The following MAP3K5 variants were observed in gnomAD, a reference collection of about 807,000 sequenced individuals.
MAP3K5 encodes the protein mitogen-activated protein kinase kinase kinase 5.
MAP3K5 carries 56 observed loss-of-function variants against 158.7 expected under a neutral mutation model. The observed-to-expected ratio is 0.35, with a 90% confidence interval of 0.28 to 0.44. The LOEUF is 0.44. Among genes scored for constraint, MAP3K5 ranks in the 20% least tolerant of loss-of-function variants. The pLI is 1.00. For missense variants in MAP3K5, 1,294 were observed against 1,674.8 expected (o/e 0.77, Z 3.97); for synonymous variants, 579 against 601.7 (o/e 0.96, Z 0.55).
intron 1 of MAP3K5, among the ~76,000 whole-genome samples, chr6:136,753,373 A>G (rs991790170): frequency 4.6e-5 from 7 of 152,290 alleles, no homozygotes; most frequent in African/African-American, 1.7e-4. Context: ...GTTGATGAAA[A>G]CACCTTTTTT....
At chr6:136,640,897 A>G (rs146725940) in intron 12 of MAP3K5, among the ~76,000 whole-genome samples, 1 of 152,248 alleles carries the variant, frequency 6.6e-6, no homozygotes, top group African/African-American at 2.4e-5. Flanking sequence ...ACAGACTACA[A>G]CTCAAGTTTC....
chr6:136,679,823 A>G (rs556895067), intron 7 of MAP3K5, among the ~76,000 whole-genome samples: 123 of 152,370 alleles, frequency 8.1e-4, no homozygotes, highest in Non-Finnish European at 1.3e-3. Context: ...AATTAAAAGT[A>G]GAACCTTAAA....
intron 1 of MAP3K5, among the ~76,000 whole-genome samples, chr6:136,731,407 T>C (rs1453394126): frequency 1.3e-5 from 2 of 152,214 alleles, no homozygotes; most frequent in African/African-American, 2.4e-5. Context: ...CTCTAGAAGA[T>C]AATCAGTTCC....
intron 7 of MAP3K5, among the ~76,000 whole-genome samples, chr6:136,693,108 A>G (rs1172293693): frequency 6.6e-6 from 1 of 152,070 alleles, no homozygotes; most frequent in Non-Finnish European, 1.5e-5. Flanking sequence ...ATGGGGATAG[A>G]ACTTTATTTT....
intron 8 of MAP3K5, among the ~76,000 whole-genome samples, chr6:136,662,515 C>CTCTCTCCCTCTCTCTCTTCCTT (rs1297223179): frequency 2.6e-5 from 4 of 151,902 alleles, no homozygotes; most frequent in Non-Finnish European, 5.9e-5. Context: ...CTTCCTTTCT[C>CTCTCTCCCTCTCTCTCTTCCTT]TCTCTCCCTC....
At chr6:136,749,515 C>G (rs1358046139) in intron 1 of MAP3K5, among the ~76,000 whole-genome samples, 2 of 152,090 alleles carry the variant, frequency 1.3e-5, no homozygotes, top group Non-Finnish European at 2.9e-5. Context: ...CTGTCACACC[C>G]ACGGCCAGAT....
chr6:136,567,990 G>A lies in MAP3K5; in HGVS notation c.3518-116C>T, dbSNP rs1219457020. 3 of 1,168,476 alleles carry A rather than the reference G, an allele frequency of 2.6e-6. No homozygotes were observed. In the African/African-American group the frequency reaches 4.6e-5, roughly 18 times the overall value. 72.4% of individuals were successfully genotyped at this position (1,168,476 alleles called of 1,614,324 possible). ...GTCAATAAGATATATATTCCAAACT[G>A]CTTTTCCAAAAGTGAGGATGGATTT... On this transcript the variant is annotated intron_variant, in intron 25 of 29. Transcript: ENST00000359015.
intron 1 of MAP3K5, among the ~76,000 whole-genome samples, chr6:136,726,744 T>C (rs1193284841): frequency 1.3e-5 from 2 of 152,228 alleles, no homozygotes; most frequent in Non-Finnish European, 2.9e-5. Flanking sequence ...TAGATAGTAC[T>C]GTTTTTAAAA....
intron 1 of MAP3K5, among the ~76,000 whole-genome samples, chr6:136,722,147 C>A (rs984787562): frequency 2.0e-5 from 3 of 152,104 alleles, no homozygotes; most frequent in African/African-American, 7.2e-5. Flanking sequence ...CAACCAAATA[C>A]CCCAACAGAC....
chr6:136,765,844 C>T (rs1369916886), intron 1 of MAP3K5, among the ~76,000 whole-genome samples: 2 of 151,964 alleles, frequency 1.3e-5, no homozygotes, highest in East Asian at 3.8e-4. Flanking sequence ...CTGCTTTTAT[C>T]TCCACCTTAT....
intron 1 of MAP3K5, among the ~76,000 whole-genome samples, chr6:136,762,100 T>G (rs1438314750): frequency 1.3e-5 from 2 of 152,208 alleles, no homozygotes; most frequent in African/African-American, 4.8e-5. Flanking sequence ...TACAGAAAGT[T>G]ATGCAAATAT....
Position 136,611,340 on chromosome 6 carries a change from AGAGATCTT to A in MAP3K5, c.2455_2462del (p.Lys819Ter), listed in dbSNP as rs1776336877. On this transcript the variant is annotated frameshift_variant, in exon 18 of 30. Coordinates refer to ENST00000359015, the MANE Select transcript of MAP3K5 (RefSeq NM_005923.4). LOFTEE classifies it high-confidence loss of function. ...CAAGCCTCTTTGATGTTCCGAAGTC[AGAGATCTT>A]GAGAACACCACTGTAGGTATTAATC... 1 of 1,613,380 alleles carries A rather than the reference AGAGATCTT, an allele frequency of 6.2e-7. No homozygotes were observed. Among genetic ancestry groups the A allele is most frequent in the African/African-American group, 1.3e-5 (1 of 75,014 alleles).
At chr6:136,733,633 A>AAC (rs1286847463) in intron 1 of MAP3K5, among the ~76,000 whole-genome samples, 1 of 152,150 alleles carries the variant, frequency 6.6e-6, no homozygotes, top group African/African-American at 2.4e-5. Context: ...AAACAAAAAA[A>AAC]ACCTTTTTTT....
chr6:136,636,818 T>A (rs559445001), intron 14 of MAP3K5: 153 of 983,454 alleles, frequency 1.6e-4, no homozygotes, highest in Non-Finnish European at 1.8e-4. Context: ...TAGGTATCCA[T>A]AGTGCTCTGT....
chr6:136,697,936 G>A (rs1413132441), intron 4 of MAP3K5, among the ~76,000 whole-genome samples: 2 of 152,210 alleles, frequency 1.3e-5, no homozygotes, highest in Admixed American at 1.3e-4. Context: ...GTAGAGACAG[G>A]GTTTCGGCAT....
intron 7 of MAP3K5, among the ~76,000 whole-genome samples, chr6:136,690,956 T>C (rs937562277): frequency 6.6e-6 from 1 of 152,208 alleles, no homozygotes; most frequent in Non-Finnish European, 1.5e-5. Context: ...AAAGACATTA[T>C]CAGTGGATAT....
chr6:136,792,466 A>C lies in MAP3K5; in HGVS notation c.-309T>G. Reference sequence around the variant, plus strand: ...GGAGCTTCCTTTTCTTGGCCGGCTGACAAGTCGGCTCGCAAACCTGCGCCG... The same window carrying C: ...GGAGCTTCCTTTTCTTGGCCGGCTGCCAAGTCGGCTCGCAAACCTGCGCCG... On this transcript the variant is annotated 5_prime_UTR_variant, in exon 1 of 30. Transcript: ENST00000359015. This position sits in a 1 kb window ranked among gnomAD's most constrained non-coding sequence, Gnocchi z 5.7. 1 of 835,402 alleles carries C rather than the reference A, an allele frequency of 1.2e-6. No homozygotes were observed. The highest frequency in any genetic ancestry group is 1.4e-6 in the Non-Finnish European group (1 of 694,196). 51.7% of individuals were successfully genotyped at this position (835,402 alleles called of 1,614,324 possible).
At chr6:136,738,299 C>T (rs748411289) in intron 1 of MAP3K5, among the ~76,000 whole-genome samples, 4 of 152,134 alleles carry the variant, frequency 2.6e-5, no homozygotes, top group Non-Finnish European at 5.9e-5. Flanking sequence ...AGGGGAGTTT[C>T]GGTACCTCTT....
intron 25 of MAP3K5, among the ~76,000 whole-genome samples, chr6:136,568,964 C>A (rs1774245644): frequency 6.6e-6 from 1 of 151,412 alleles, no homozygotes; most frequent in South Asian, 2.1e-4. Flanking sequence ...CCAAGGGGAT[C>A]CCCAAAAAAA....
Sources: allele counts gnomAD v4.1 joint callset (sites outside exome capture counted in the v4.1 genomes callset), GRCh38; gene constraint gnomAD v4.1.1; non-coding constraint Gnocchi (gnomAD v3.1); transcripts MANE v1.5; gene names NCBI Gene and HGNC (gene_info 2026-07-23, HGNC 2026-07-21).